CCDC7: variants seen among roughly 807,000 people sequenced by gnomAD.
CCDC7 encodes the protein coiled-coil domain-containing protein 7.
Under a neutral mutation model 196.9 loss-of-function variants are expected in CCDC7, and 183 were observed. The observed-to-expected ratio is 0.93, with a 90% CI of 0.82 to 1.05. The LOEUF is 1.05. CCDC7 is among the 50% of genes least tolerant of loss of function. The pLI, the probability that CCDC7 is intolerant of heterozygous loss-of-function variation, is 0.00. For synonymous variants in CCDC7, 525 were observed against 484.6 expected (o/e 1.08, Z -1.10); for missense variants, 1,540 against 1,482.2 (o/e 1.04, Z -0.64).
chr10:32,682,825 C>T (rs1219244109), intron 21 of CCDC7, among the ~76,000 whole-genome samples: 1 of 152,104 alleles, frequency 6.6e-6, no homozygotes, highest in Non-Finnish European at 1.5e-5. Flanking sequence ...GTTCTTTGCC[C>T]ATTTTTAATG....
At chr10:32,825,774 A>G (rs1046464115) in intron 32 of CCDC7, among the ~76,000 whole-genome samples, 12 of 152,212 alleles carry the variant, frequency 7.9e-5, no homozygotes, top group African/African-American at 2.9e-4. Context: ...AACATACACA[A>G]GCTCTTATCA....
intron 9 of CCDC7, among the ~76,000 whole-genome samples, chr10:32,497,679 A>C (rs2043131355): frequency 6.6e-6 from 1 of 152,164 alleles, no homozygotes; most frequent in Non-Finnish European, 1.5e-5. Flanking sequence ...TAAGTTGTTC[A>C]GTTTTCATGT....
chr10:32,571,537 C>G (rs1225333335), intron 15 of CCDC7, among the ~76,000 whole-genome samples: 1 of 152,078 alleles, frequency 6.6e-6, no homozygotes, highest in Non-Finnish European at 1.5e-5. Context: ...CCTGCTCTGT[C>G]TATGGATCAG....
At chr10:32,757,275 C>A (rs966567387) in intron 28 of CCDC7, among the ~76,000 whole-genome samples, 1 of 152,112 alleles carries the variant, frequency 6.6e-6, no homozygotes, top group Non-Finnish European at 1.5e-5. Context: ...GCAGAAATCT[C>A]CCCCCGAAAT....
chr10:32,483,665 T>A (rs922458326), intron 8 of CCDC7, among the ~76,000 whole-genome samples: 8 of 152,310 alleles, frequency 5.3e-5, no homozygotes, highest in African/African-American at 1.9e-4. Context: ...CTTGAATTGA[T>A]TTTTGTATAA....
intron 16 of CCDC7, among the ~76,000 whole-genome samples, chr10:32,576,547 C>CTTTT (rs1292038601): frequency 1.7e-5 from 2 of 116,870 alleles, no homozygotes; most frequent in Admixed American, 8.8e-5. Context: ...GCCTGTGTGT[C>CTTTT]TTTTTTTTTT....
intron 11 of CCDC7, among the ~76,000 whole-genome samples, chr10:32,528,634 A>G (rs1321826213): frequency 8.0e-6 from 1 of 124,936 alleles, no homozygotes; most frequent in Non-Finnish European, 1.9e-5. Flanking sequence ...TGGTATATGT[A>G]TGTGTGTGTG....
intron 31 of CCDC7, among the ~76,000 whole-genome samples, chr10:32,816,754 A>G (rs934536215): frequency 6.6e-6 from 1 of 152,200 alleles, no homozygotes; most frequent in Non-Finnish European, 1.5e-5. Flanking sequence ...AGCAAACTCC[A>G]ACAGACCTGC....
chr10:32,674,122 GT>G (rs750137390), intron 21 of CCDC7, among the ~76,000 whole-genome samples: 2 of 150,594 alleles, frequency 1.3e-5, no homozygotes, highest in Admixed American at 6.6e-5. Context: ...TTCTAATTTT[GT>G]TTTTTTTTCT....
chr10:32,462,760 C>A, intron 4 of CCDC7, 57 bp downstream of exon 5: 1 of 1,403,832 alleles, frequency 7.1e-7, no homozygotes, highest in Non-Finnish European at 9.6e-7. Flanking sequence ...AAATACATGC[C>A]AATGAAGAAG....
At chr10:32,703,783 A>G (rs1419816688) in intron 24 of CCDC7, among the ~76,000 whole-genome samples, 1 of 151,994 alleles carries the variant, frequency 6.6e-6, no homozygotes, top group Non-Finnish European at 1.5e-5. Context: ...CATCACTGAT[A>G]CCCTTTCTTC....
intron 21 of CCDC7, among the ~76,000 whole-genome samples, chr10:32,676,921 A>G (rs1375322626): frequency 1.3e-5 from 2 of 152,146 alleles, no homozygotes; most frequent in Non-Finnish European, 2.9e-5. Context: ...ACATGCACAC[A>G]TATATTTATT....
At chr10:32,865,903 G>A (rs1361083120) in intron 41 of CCDC7, among the ~76,000 whole-genome samples, 1 of 151,758 alleles carries the variant, frequency 6.6e-6, no homozygotes, top group Non-Finnish European at 1.5e-5. Flanking sequence ...AATATGGAGA[G>A]AGGAATGAGT....
At chr10:32,506,215 A>G (rs369127341) in intron 9 of CCDC7, among the ~76,000 whole-genome samples, 57 of 136,430 alleles carry the variant, frequency 4.2e-4, no homozygotes, top group African/African-American at 1.5e-3. Flanking sequence ...ACTTCCTCCC[A>G]GACGGGGTGG....
intron 32 of CCDC7, among the ~76,000 whole-genome samples, chr10:32,829,842 TGG>T (rs1214020576): frequency 6.6e-6 from 1 of 151,854 alleles, no homozygotes; most frequent in Non-Finnish European, 1.5e-5. Flanking sequence ...ACCCTTAATC[TGG>T]GTGGGCACCA....
chr10:32,641,406 A>G (rs186465205), intron 20 of CCDC7, among the ~76,000 whole-genome samples: 1 of 152,178 alleles, frequency 6.6e-6, no homozygotes, highest in Non-Finnish European at 1.5e-5. Context: ...TTCATTTGAT[A>G]TTCCATCACT....
chr10:32,548,837 T>A (rs2052959571), intron 13 of CCDC7, among the ~76,000 whole-genome samples: 1 of 152,154 alleles, frequency 6.6e-6, no homozygotes, highest in South Asian at 2.1e-4. Flanking sequence ...GTTGGTTCCA[T>A]GATTTTGCAG....
At chr10:32,794,863 T>A (rs2083298500) in intron 29 of CCDC7, among the ~76,000 whole-genome samples, 2 of 152,172 alleles carry the variant, frequency 1.3e-5, no homozygotes, top group Admixed American at 1.3e-4. Flanking sequence ...GATCAGACTT[T>A]CCCCAGTTCC....
At chr10:32,674,014 C>T (rs1007914791) in intron 21 of CCDC7, among the ~76,000 whole-genome samples, 1 of 151,732 alleles carries the variant, frequency 6.6e-6, no homozygotes, top group Non-Finnish European at 1.5e-5. Flanking sequence ...AATAATTAAT[C>T]TAGCTAATAG....
Sources: gnomAD v4.1 joint callset for allele counts (sites outside exome capture counted in the v4.1 genomes callset) on GRCh38, gnomAD v4.1.1 for gene constraint, MANE v1.5 for transcripts, NCBI Gene and HGNC (gene_info 2026-07-23, HGNC 2026-07-21) for gene names.